Variants in FGF14 observed in about 807,000 individuals in gnomAD.
FGF14 encodes the protein fibroblast growth factor 14, also known as fibroblast growth factor homologous factor 4.
In FGF14, 5 loss-of-function variants were observed where a neutral mutation model predicts 25.5. The observed-to-expected ratio is 0.20, with a 90% confidence interval of 0.10 to 0.41. FGF14 has a LOEUF of 0.41. FGF14 is among the 10% of genes least tolerant of loss of function. FGF14 has a pLI of 1.00. For missense variants in FGF14, 222 were observed against 320.1 expected (o/e 0.69, Z 2.34); for synonymous variants, 138 against 118.3 (o/e 1.17, Z -1.08).
chr13:101,908,592 G>T (rs993994542), intron 1 of FGF14, among the ~76,000 whole-genome samples: 3 of 152,036 alleles, frequency 2.0e-5, no homozygotes, highest in African/African-American at 7.3e-5. Flanking sequence ...AATAAAAGAG[G>T]ATACAAACAA....
chr13:101,719,841 TTAA>T lies in FGF14; in HGVS notation c.*2987_*2989del, dbSNP rs1337590398. Reference sequence around the variant, plus strand: ...AGTAGTGACAGATTGCACTTCTTACTTAATAACAGCAAACTTAATTTCTGAGGG... The same window carrying T: ...AGTAGTGACAGATTGCACTTCTTACTTAACAGCAAACTTAATTTCTGAGGG... On this transcript the variant is annotated 3_prime_UTR_variant, in exon 5 of 5. Coordinates refer to ENST00000376143, the MANE Select transcript of FGF14 (RefSeq NM_004115.4). 1 of 151,434 alleles carries T rather than the reference TTAA, an allele frequency of 6.6e-6. No individual in the cohort carries two copies. The highest frequency in any genetic ancestry group is 1.5e-5 in the Non-Finnish European group (1 of 67,850). The allele number at this position is 151,434 out of a possible 1,614,324, so 9.4% of individuals were successfully genotyped here. A position where few individuals can be genotyped will look rare whatever the true frequency, so the allele number is the denominator to read the frequency against.
intron 1 of FGF14, among the ~76,000 whole-genome samples, chr13:102,364,714 C>G (rs1225576121): frequency 6.6e-6 from 1 of 152,156 alleles, no homozygotes; most frequent in Non-Finnish European, 1.5e-5. Flanking sequence ...GGCATCCACC[C>G]TTCACTGGAA....
At chr13:102,343,068 G>T (rs1178401057) in intron 1 of FGF14, among the ~76,000 whole-genome samples, 1 of 152,120 alleles carries the variant, frequency 6.6e-6, no homozygotes, top group Non-Finnish European at 1.5e-5. Context: ...AGTAGGCACA[G>T]TCAATAGTTT....
At chr13:101,856,822 T>C (rs368906891) in intron 3 of FGF14, among the ~76,000 whole-genome samples, 2 of 152,052 alleles carry the variant, frequency 1.3e-5, no homozygotes, top group Non-Finnish European at 2.9e-5. Flanking sequence ...CAAAGCTATG[T>C]CTGAAATACA....
intron 1 of FGF14, among the ~76,000 whole-genome samples, chr13:102,194,441 C>CA (rs899766392): frequency 1.4e-5 from 2 of 138,386 alleles, no homozygotes; most frequent in African/African-American, 6.3e-5. Context: ...CACTGCCCCC[C>CA]TGACAGGCCC....
At chr13:102,051,526 C>T (rs1225992400) in intron 1 of FGF14, among the ~76,000 whole-genome samples, 1 of 152,178 alleles carries the variant, frequency 6.6e-6, no homozygotes, top group Non-Finnish European at 1.5e-5. Context: ...CATAACTTCC[C>T]CACTGTGAGA....
Position 101,713,098 on chromosome 13 carries a change from C to G in FGF14, c.*9733G>C, listed in dbSNP as rs377117992. The G allele has an allele frequency of 2.3e-4, 35 of 152,346 alleles. 1 individual carries two copies. The highest frequency in any genetic ancestry group is 1.2e-3 in the South Asian group (6 of 4,828). The allele number at this position is 152,346 out of a possible 1,614,324, so 9.4% of individuals were successfully genotyped here. ...CAATCTAAATAATTCTGACTGCACT[C>G]TTACTTTGAGAAGTGTGTCAAGAAA... is the stretch of plus-strand genomic sequence containing the variant. On this transcript the variant is annotated 3_prime_UTR_variant, in exon 5 of 5. Coordinates refer to ENST00000376143, the MANE Select transcript of FGF14 (RefSeq NM_004115.4).
At chr13:102,289,269 C>T (rs966837253) in intron 1 of FGF14, among the ~76,000 whole-genome samples, 11 of 152,166 alleles carry the variant, frequency 7.2e-5, no homozygotes, top group Admixed American at 6.5e-4. Flanking sequence ...TCATTGTACA[C>T]ATTCATACAT....
At position 102,384,008 on chromosome 13, in the gene FGF14, T is replaced by A. The variant is rs189222096; in HGVS notation, c.208+17463A>T. Among the ~76,000 whole-genome samples the A allele has an allele frequency of 9.8e-5, 15 of 152,332 alleles. No homozygotes were observed. In the East Asian group the frequency reaches 2.9e-3, roughly 29 times the overall value. On this transcript the variant is annotated intron_variant, in intron 1 of 4. Transcript: ENST00000376131. ...TGTTCCAATTACTCACATGCCATGATCAGACGCAAGATGTTATTCAAGTAA... is the reference window on the plus strand; with the variant it reads ...TGTTCCAATTACTCACATGCCATGAACAGACGCAAGATGTTATTCAAGTAA...
intron 1 of FGF14, among the ~76,000 whole-genome samples, chr13:102,247,731 A>T (rs2051952405): frequency 1.3e-5 from 2 of 152,162 alleles, no homozygotes; most frequent in African/African-American, 4.8e-5. Flanking sequence ...CAGCAATCTC[A>T]TTACTGGGTA....
chr13:101,870,725 G>A (rs998306778), intron 2 of FGF14, among the ~76,000 whole-genome samples: 2 of 152,122 alleles, frequency 1.3e-5, no homozygotes, highest in African/African-American at 2.4e-5. Flanking sequence ...AAGCCGAGGC[G>A]GGTGGATCAC....
At position 101,722,671 on chromosome 13, in the gene FGF14, T is replaced by G; in HGVS notation, c.*160A>C. ...TCTTGTTGTGGGGGGTGCAACAGGT[T>G]GAGATTTATCCACTTGCAACAGAGA... is the stretch of plus-strand genomic sequence containing the variant. On this transcript the variant is annotated 3_prime_UTR_variant, in exon 5 of 5. Transcript: ENST00000376143. The G allele has an allele frequency of 1.3e-5, 12 of 946,062 alleles. No individual in the cohort carries two copies. The highest frequency in any genetic ancestry group is 1.8e-5 in the Non-Finnish European group (11 of 618,110). The allele number at this position is 946,062 out of a possible 1,614,324, so 58.6% of individuals were successfully genotyped here.
At chr13:102,374,387 T>G in intron 1 of FGF14, among the ~76,000 whole-genome samples, 1 of 151,512 alleles carries the variant, frequency 6.6e-6, no homozygotes, top group Non-Finnish European at 1.5e-5. Context: ...GAGTCAGATT[T>G]TTTTGGAACT....
chr13:102,093,813 T>TA (rs141719540), intron 1 of FGF14, among the ~76,000 whole-genome samples: 31,021 of 143,970 alleles, frequency 0.22, 5,489 homozygotes, highest in African/African-American at 0.5. Context: ...GATCATTGTT[T>TA]AAAAAAAAAA....
intron 1 of FGF14, among the ~76,000 whole-genome samples, chr13:102,111,661 A>G (rs1270391008): frequency 1.3e-5 from 2 of 151,826 alleles, no homozygotes; most frequent in African/African-American, 2.4e-5. Context: ...GGCTGCAGTG[A>G]GCCAAGACTG....
chr13:101,849,420 T>C (rs1449544514), intron 3 of FGF14, among the ~76,000 whole-genome samples: 1 of 152,216 alleles, frequency 6.6e-6, no homozygotes, highest in South Asian at 2.1e-4. Flanking sequence ...TTCATAAACA[T>C]GGGCAGCCGC....
At chr13:101,912,547 T>G (rs944063138) in intron 1 of FGF14, among the ~76,000 whole-genome samples, 1 of 152,170 alleles carries the variant, frequency 6.6e-6, no homozygotes, top group Non-Finnish European at 1.5e-5. Context: ...TTCCAAATAA[T>G]AAAACTATTT....
intron 1 of FGF14, among the ~76,000 whole-genome samples, chr13:102,364,077 A>C (rs954032829): frequency 9.2e-5 from 14 of 152,246 alleles, no homozygotes; most frequent in Non-Finnish European, 1.3e-4. Flanking sequence ...GTGGATCTGA[A>C]GGAAATTGTG....
chr13:102,082,287 AAC>A (rs2043660506), intron 1 of FGF14, among the ~76,000 whole-genome samples: 1 of 151,412 alleles, frequency 6.6e-6, no homozygotes, highest in East Asian at 1.9e-4. Context: ...AAAGCTCTCT[AAC>A]ACAACTATTC....
Sources: allele counts gnomAD v4.1 joint callset (sites outside exome capture counted in the v4.1 genomes callset), GRCh38; gene constraint gnomAD v4.1.1; transcripts MANE v1.5; gene names NCBI Gene and HGNC (gene_info 2026-07-23, HGNC 2026-07-21).